Variants in ASPM observed in about 807,000 individuals in gnomAD.
ASPM encodes the protein assembly factor for spindle microtubules.
A neutral mutation model predicts 366.4 loss-of-function variants in ASPM; 256 were observed. That is an observed-to-expected ratio of 0.70 (90% CI 0.63 to 0.77). The LOEUF (loss-of-function observed/expected upper bound fraction) is 0.77, where lower values mean the gene tolerates loss of function less well. ASPM is among the 30% of genes least tolerant of loss of function. The probability of loss-of-function intolerance (pLI) is 0.00; values close to 1 mark genes in which losing one functional copy is unlikely to be tolerated. For synonymous variants in ASPM, 1,414 were observed against 1,342.9 expected (o/e 1.05, Z -1.16); for missense variants, 4,146 against 4,090.4 (o/e 1.01, Z -0.37).
intron 6 of ASPM, 109 bp downstream of exon 6, chr1:197,133,241 A>G: frequency 8.7e-7 from 1 of 1,144,890 alleles, no homozygotes; most frequent in Non-Finnish European, 1.2e-6. Context: ...CCTTAAATAT[A>G]TGCCAGTTTT....
intron 3 of ASPM, among the ~76,000 whole-genome samples, chr1:197,141,650 T>C (rs1658587480): frequency 6.6e-6 from 1 of 152,142 alleles, no homozygotes; most frequent in Admixed American, 6.5e-5. Flanking sequence ...TTCCTTGCAA[T>C]TTACACACAA....
At chr1:197,085,435 T>C (rs911864591) in intron 27 of ASPM, among the ~76,000 whole-genome samples, 4 of 152,162 alleles carry the variant, frequency 2.6e-5, no homozygotes, top group African/African-American at 9.7e-5. Flanking sequence ...AGGGAGTTCA[T>C]GCATCTTCTC....
Position 197,092,041 on chromosome 1 carries a change from C to T in ASPM, c.9310G>A (p.Ala3104Thr). The T allele has an allele frequency of 6.2e-7, 1 of 1,611,624 alleles. No individual in the cohort carries two copies. Among genetic ancestry groups the T allele is most frequent in the Non-Finnish European group, 8.5e-7 (1 of 1,178,510 alleles). The change falls in exon 22 of 28, where the codon GCC becomes ACC. Residue 3104 changes from alanine (A) to threonine (T), a missense_variant. By Grantham distance (58) the Ala-to-Thr change is moderately conservative. Coordinates refer to ENST00000367409, the MANE Select transcript of ASPM (RefSeq NM_018136.5). ...LVRKRFLEQR[A>T]KIRLLHFTAA... The stretch of plus-strand genomic sequence containing the variant: ...GTGAAGTGAAGAAGTCGAATTTTGG[C>T]TCTCTGTTCTAAAAACTAAAGGTGA...
In ASPM at chr1:197,102,230, T is replaced by A. The variant is rs1395464546; in HGVS notation, c.7021A>T (p.Ile2341Phe). ...CTGTGCATTCTGAAAGTAGACTGGA[T>A]GAAAGTAGCAGCCCTGTGCATCTCT... ...MREMHRAATF[I>F]QSTFRMHRLH... Residue 2341 changes from isoleucine (I) to phenylalanine (F), a missense_variant, in exon 18 of 28, where the codon ATC (isoleucine) becomes TTC (phenylalanine). Coordinates refer to ENST00000367409, the MANE Select transcript of ASPM (RefSeq NM_018136.5). 1.2e-6 allele frequency: 2 copies of A among 1,612,806 alleles called. No individual in the cohort carries two copies. The highest frequency in any genetic ancestry group is 1.7e-6 in the Non-Finnish European group (2 of 1,179,280).
At chr1:197,116,255 T>G (rs996528643) in intron 17 of ASPM, among the ~76,000 whole-genome samples, 3 of 152,176 alleles carry the variant, frequency 2.0e-5, no homozygotes, top group Non-Finnish European at 4.4e-5. Context: ...TTCGTAGAAC[T>G]GAATAGAGTT....
In ASPM at chr1:197,143,112, C is replaced by A; in HGVS notation, c.1140G>T (p.Gln380His). Residue 380 changes from glutamine (Q) to histidine (H), a missense_variant, in exon 3 of 28, where the codon CAG becomes CAT. Transcript: ENST00000367409. The stretch of plus-strand genomic sequence containing the variant: ...GATTAACTGACTCTGATTCTAGATC[C>A]TGATTTAGTCCATAATTATCTTTTA... ...SFIKDNYGLN[Q>H]DLESESVNPI... 1 of 1,612,574 alleles carries A rather than the reference C, an allele frequency of 6.2e-7. No individual in the cohort carries two copies.
At position 197,137,690 on chromosome 1, in the gene ASPM, G is replaced by A. The variant is rs78672387; in HGVS notation, c.2026+2077C>T. Among the ~76,000 whole-genome samples the A allele has an allele frequency of 1.3e-3, 204 of 152,154 alleles. 4 individuals are homozygous for A. In the East Asian group the frequency reaches 0.033, roughly 25 times the overall value. Reference sequence around the variant, plus strand: ...GGGATGGGGTTTCACCATGCCAGCCGGGCAGGTCACAAACTCCTGACCTCA... The same window carrying A: ...GGGATGGGGTTTCACCATGCCAGCCAGGCAGGTCACAAACTCCTGACCTCA... On this transcript the variant is annotated intron_variant, in intron 4 of 27. Transcript: ENST00000367409.
chr1:197,110,373 A>G (rs1482635223), intron 17 of ASPM, among the ~76,000 whole-genome samples: 2 of 152,122 alleles, frequency 1.3e-5, no homozygotes, highest in Non-Finnish European at 2.9e-5. Flanking sequence ...ATATATAAAA[A>G]AAGTGAACAT....
chr1:197,126,463 AAAAAGG>A (rs1658094764), intron 10 of ASPM, among the ~76,000 whole-genome samples: 4 of 57,682 alleles, frequency 6.9e-5, no homozygotes, highest in East Asian at 2.7e-3. Flanking sequence ...AAAAAAAAAA[AAAAAGG>A]GAGGGGGACT....
At chr1:197,141,927 T>C (rs1284294013) in intron 3 of ASPM, among the ~76,000 whole-genome samples, 3 of 152,188 alleles carry the variant, frequency 2.0e-5, no homozygotes, top group African/African-American at 7.2e-5. Flanking sequence ...ATACCCAATA[T>C]GTACAATTCT....
chr1:197,088,193 A>C, intron 26 of ASPM, 63 bp downstream of exon 26: 4 of 1,545,600 alleles, frequency 2.6e-6, no homozygotes, highest in Non-Finnish European at 3.6e-6. Flanking sequence ...GAAAACTATA[A>C]AAGTCATAGA....
At chr1:197,134,289 G>A (rs1344053919) in intron 5 of ASPM, among the ~76,000 whole-genome samples, 1 of 151,790 alleles carries the variant, frequency 6.6e-6, no homozygotes, top group Non-Finnish European at 1.5e-5. Flanking sequence ...GCGTGCACTG[G>A]TAGTCACAAC....
chr1:197,146,026 CT>C, intron 1 of ASPM, 114 bp downstream of exon 1: 1 of 1,351,554 alleles, frequency 7.4e-7, no homozygotes, highest in Non-Finnish European at 1.1e-6. Context: ...TGACTTTATT[CT>C]CTAAGGGTCT....
chr1:197,087,992 C>A (rs1175899734), intron 26 of ASPM, among the ~76,000 whole-genome samples: 4 of 152,088 alleles, frequency 2.6e-5, no homozygotes, highest in Admixed American at 2.0e-4. Context: ...TTCTATCTTG[C>A]TAGGATACTT....
In ASPM at chr1:197,142,609, A is replaced by G. The variant is rs780546651; in HGVS notation, c.1643T>C (p.Ile548Thr). 6.2e-7 allele frequency: 1 copy of G among 1,612,886 alleles called. No individual in the cohort carries two copies. Among genetic ancestry groups the G allele is most frequent in the African/African-American group, 1.3e-5 (1 of 75,016 alleles). Residue 548 changes from isoleucine (I) to threonine (T), a missense_variant, in exon 3 of 28, where the codon ATA becomes ACA. Coordinates refer to ENST00000367409, the MANE Select transcript of ASPM (RefSeq NM_018136.5). The stretch of plus-strand genomic sequence containing the variant: ...CTTAGATTTACTTAATATTGGATCT[A>G]TAATTGGAAGATAAGAATGAAAATC... ...KEDFHSYLPI[I>T]DPILSKSKSY... is the part of the protein sequence containing the mutation.
At position 197,125,136 on chromosome 1, in the gene ASPM, G is replaced by A. The variant is rs748593450; in HGVS notation, c.2992C>T (p.Pro998Ser). The change falls in exon 11 of 28, where the codon CCG becomes TCG. Residue 998 changes from proline to serine, a missense_variant. Around this residue, in one of 3 missense-constraint regions of ASPM, gnomAD observed 3,624 missense variants for 3,591.7 expected, o/e 1.01. Coordinates refer to ENST00000367409, the MANE Select transcript of ASPM (RefSeq NM_018136.5). ...NWDLSKKLRI[P>S]AISRLQKMHN... ...ATCTTTTGAAGACGACTTATTGCCG[G>A]AATCCTGAGTTTCTTTGAGAGGTCC... 2 of 1,613,972 alleles carry A rather than the reference G, an allele frequency of 1.2e-6. No homozygotes were observed. Among genetic ancestry groups the A allele is most frequent in the Non-Finnish European group, 1.7e-6 (2 of 1,179,928 alleles).
chr1:197,126,111 G>A (rs1436320434), intron 10 of ASPM, among the ~76,000 whole-genome samples: 1 of 152,060 alleles, frequency 6.6e-6, no homozygotes, highest in Non-Finnish European at 1.5e-5. Context: ...ACATCCAACA[G>A]TGCTAAATCC....
At chr1:197,135,015 T>A (rs1658373585) in intron 5 of ASPM, 81 bp downstream of exon 5, 2 of 1,001,224 alleles carry the variant, frequency 2.0e-6, no homozygotes, top group Non-Finnish European at 2.9e-6. Context: ...TAACTATGTA[T>A]AATTAAAGAA....
intron 21 of ASPM, among the ~76,000 whole-genome samples, chr1:197,092,549 C>T (rs1435021629): frequency 6.6e-6 from 1 of 151,902 alleles, no homozygotes; most frequent in East Asian, 1.9e-4. Context: ...AAACAAAATA[C>T]AAACATTCCT....
Sources: gnomAD v4.1 joint callset for allele counts (sites outside exome capture counted in the v4.1 genomes callset) on GRCh38, gnomAD v4.1.1 for gene constraint, gnomAD v4.1.1 regional missense constraint, MANE v1.5 for transcripts, NCBI Gene and HGNC (gene_info 2026-07-23, HGNC 2026-07-21) for gene names.